Variants in RBFOX1 observed in about 807,000 individuals in gnomAD.
The protein encoded by RBFOX1 is RNA binding protein fox-1 homolog 1.
In RBFOX1, 8 loss-of-function variants were observed where a neutral mutation model predicts 57.7. The observed-to-expected ratio is 0.14, with a 90% CI of 0.08 to 0.25. RBFOX1 has a LOEUF of 0.25. RBFOX1 is among the 10% of genes least tolerant of loss of function. The probability of loss-of-function intolerance (pLI) is 1.00; values close to 1 mark genes in which losing one functional copy is unlikely to be tolerated. For missense variants in RBFOX1, 611 were observed against 548.5 expected (o/e 1.11, Z -1.14); for synonymous variants, 326 against 222.4 (o/e 1.47, Z -4.15).
intron 1 of RBFOX1, among the ~76,000 whole-genome samples, chr16:6,298,377 G>C (rs1054537286): frequency 1.3e-5 from 2 of 152,170 alleles, no homozygotes; most frequent in African/African-American, 4.8e-5. Context: ...GTCACTCACA[G>C]CTCCCCAAGT....
chr16:5,292,065 T>C (rs1451710293), intron 1 of RBFOX1, among the ~76,000 whole-genome samples: 2 of 152,116 alleles, frequency 1.3e-5, no homozygotes, highest in Non-Finnish European at 2.9e-5. Flanking sequence ...TTTTTTGACC[T>C]AATTTATCAC....
intron 4 of RBFOX1, among the ~76,000 whole-genome samples, chr16:7,248,821 G>C (rs1014943293): frequency 1.3e-5 from 2 of 152,112 alleles, no homozygotes; most frequent in African/African-American, 4.8e-5. Context: ...TTGCCTTTTT[G>C]AGTAATCATT....
chr16:6,602,909 C>G (rs1176290345), intron 2 of RBFOX1, among the ~76,000 whole-genome samples: 1 of 152,144 alleles, frequency 6.6e-6, no homozygotes, highest in African/African-American at 2.4e-5. Flanking sequence ...TTCCCAAATC[C>G]TGTCACTAAT....
At chr16:6,494,209 C>G (rs534673747) in intron 2 of RBFOX1, among the ~76,000 whole-genome samples, 1 of 152,228 alleles carries the variant, frequency 6.6e-6, no homozygotes, top group East Asian at 1.9e-4. Flanking sequence ...AATCCACTGA[C>G]CTTATTTGAA....
At position 6,495,864 on chromosome 16, in the gene RBFOX1, C is replaced by T. The variant is rs370477345; in HGVS notation, c.-63-158739C>T. 6.6e-5 allele frequency among the ~76,000 whole-genome samples: 10 copies of T among 152,350 alleles called. No homozygotes were observed. The East Asian group carries it at 9.6e-4, about 15-fold the overall frequency. On this transcript the variant is annotated intron_variant, in intron 2 of 15. Coordinates refer to ENST00000550418, the MANE Select transcript of RBFOX1 (RefSeq NM_018723.4). Reference sequence around the variant, plus strand: ...AATTGTTGGTTGTCCATTGTATTCACAACATAAAGGTATCTGTTTGTAACA... The same window carrying T: ...AATTGTTGGTTGTCCATTGTATTCATAACATAAAGGTATCTGTTTGTAACA...
intron 4 of RBFOX1, among the ~76,000 whole-genome samples, chr16:7,183,293 G>A (rs534007127): frequency 1.3e-4 from 20 of 152,240 alleles, no homozygotes; most frequent in Admixed American, 2.6e-4. Flanking sequence ...CAAGTGTATC[G>A]TGCTTGTCAA....
At chr16:5,544,364 T>C (rs1164638453) in intron 2 of RBFOX1, among the ~76,000 whole-genome samples, 3 of 152,204 alleles carry the variant, frequency 2.0e-5, no homozygotes, top group Non-Finnish European at 4.4e-5. Context: ...TTAGAAGCTA[T>C]TTTGAATTGA....
Position 5,856,599 on chromosome 16 carries a change from A to G in RBFOX1, c.319-10704A>G, listed in dbSNP as rs865886282. On this transcript the variant is annotated intron_variant, in intron 3 of 19. Transcript: ENST00000641259. Reference sequence around the variant, plus strand: ...TGTATATATATATATATATATATATATATATAATCTTAGCCAGATCTTCTG... The same window carrying G: ...TGTATATATATATATATATATATATGTATATAATCTTAGCCAGATCTTCTG... Among the ~76,000 whole-genome samples, 387 of 104,506 alleles carry G rather than the reference A, an allele frequency of 3.7e-3. 24 individuals are homozygous for G. Among genetic ancestry groups the G allele is most frequent in the Admixed American group, 7.2e-3 (64 of 8,828 alleles). The allele number at this position is 104,506 out of a possible 152,430, so 68.6% of individuals were successfully genotyped here.
chr16:6,995,746 G>C (rs1467941445), intron 3 of RBFOX1, among the ~76,000 whole-genome samples: 1 of 152,032 alleles, frequency 6.6e-6, no homozygotes, highest in Non-Finnish European at 1.5e-5. Context: ...GGGCCATAGA[G>C]TGAGACTCCA....
intron 4 of RBFOX1, among the ~76,000 whole-genome samples, chr16:5,932,820 C>T (rs992792090): frequency 1.5e-4 from 23 of 152,026 alleles, no homozygotes; most frequent in African/African-American, 5.6e-4. Flanking sequence ...TTGGTTCTCC[C>T]TGCTCTTTGG....
chr16:6,879,522 A>G (rs572582612), intron 3 of RBFOX1, among the ~76,000 whole-genome samples: 1 of 152,318 alleles, frequency 6.6e-6, no homozygotes, highest in Admixed American at 6.5e-5. Context: ...ACTTGCTACA[A>G]AGTTAGGTTA....
intron 4 of RBFOX1, among the ~76,000 whole-genome samples, chr16:7,082,296 C>T (rs897841491): frequency 1.7e-4 from 26 of 151,914 alleles, no homozygotes; most frequent in Middle Eastern, 3.2e-3. Flanking sequence ...AATGAAGGTT[C>T]CAGGCTGGGC....
intron 2 of RBFOX1, among the ~76,000 whole-genome samples, chr16:6,446,191 C>T (rs909980899): frequency 3.9e-5 from 6 of 151,954 alleles, no homozygotes; most frequent in African/African-American, 1.5e-4. Flanking sequence ...TTCATTAGAG[C>T]CAGGGTCTTG....
At chr16:6,878,717 G>A (rs1227928541) in intron 3 of RBFOX1, among the ~76,000 whole-genome samples, 2 of 152,104 alleles carry the variant, frequency 1.3e-5, no homozygotes, top group Non-Finnish European at 2.9e-5. Context: ...TTCAGCAAGG[G>A]CAAGAAATGG....
chr16:6,134,629 G>A (rs550335216), intron 1 of RBFOX1, among the ~76,000 whole-genome samples: 10 of 152,062 alleles, frequency 6.6e-5, no homozygotes, highest in Admixed American at 5.2e-4. Context: ...GAGACTAACC[G>A]TGAACTGTCA....
chr16:5,964,603 G>GTA (rs894538025), intron 4 of RBFOX1, among the ~76,000 whole-genome samples: 17 of 151,566 alleles, frequency 1.1e-4, no homozygotes, highest in African/African-American at 1.9e-4. Flanking sequence ...CTATATCTAT[G>GTA]TATATATATA....
chr16:5,734,406 C>G (rs1002086658), intron 3 of RBFOX1, among the ~76,000 whole-genome samples: 6 of 152,006 alleles, frequency 3.9e-5, no homozygotes. Flanking sequence ...CCAGCCTGGG[C>G]AAGAGAACAA....
At chr16:5,751,606 T>C (rs2053207608) in intron 3 of RBFOX1, among the ~76,000 whole-genome samples, 1 of 152,156 alleles carries the variant, frequency 6.6e-6, no homozygotes, top group Non-Finnish European at 1.5e-5. Context: ...GTCACACAGA[T>C]ACTGGAGAGC....
At chr16:5,631,896 C>T (rs545054989) in intron 3 of RBFOX1, among the ~76,000 whole-genome samples, 1 of 152,284 alleles carries the variant, frequency 6.6e-6, no homozygotes, top group East Asian at 1.9e-4. Context: ...CTGGGGTGTT[C>T]ACTAGGGTCA....
Sources: allele counts gnomAD v4.1 joint callset (sites outside exome capture counted in the v4.1 genomes callset), GRCh38; gene constraint gnomAD v4.1.1; transcripts MANE v1.5; gene names NCBI Gene and HGNC (gene_info 2026-07-23, HGNC 2026-07-21).